Variants in PBX4 observed in about 807,000 individuals in gnomAD.
The protein encoded by PBX4 is pre-B-cell leukemia transcription factor 4.
PBX4 carries 26 observed loss-of-function variants against 35.1 expected under a neutral mutation model. The ratio of observed to expected loss-of-function variants is 0.74; its 90% confidence interval spans 0.54 to 1.03. The LOEUF (loss-of-function observed/expected upper bound fraction) is 1.03. PBX4 is among the 50% of genes least tolerant of loss of function. The probability of loss-of-function intolerance (pLI) is 0.00; values close to 1 mark genes in which losing one functional copy is unlikely to be tolerated. For missense variants in PBX4, 448 were observed against 504.3 expected (o/e 0.89, Z 1.07); for synonymous variants, 199 against 204.2 (o/e 0.97, Z 0.22).
chr19:19,583,485 C>T (rs1190829322), intron 2 of PBX4, among the ~76,000 whole-genome samples: 1 of 151,688 alleles, frequency 6.6e-6, no homozygotes, highest in East Asian at 2.0e-4. Flanking sequence ...TGGTGGCACA[C>T]ACCTGTAATC....
intron 2 of PBX4, among the ~76,000 whole-genome samples, chr19:19,576,998 C>T (rs150133527): frequency 0.014 from 2,073 of 152,118 alleles, 72 homozygotes; most frequent in South Asian, 0.076. Context: ...GAGGCTGAGG[C>T]GGGCGAATCA....
At chr19:19,613,413 A>C (rs898982197) in intron 1 of PBX4, among the ~76,000 whole-genome samples, 2 of 147,846 alleles carry the variant, frequency 1.4e-5, no homozygotes, top group Admixed American at 6.9e-5. Flanking sequence ...AGTTGCAGTG[A>C]GCCAAGAACA....
chr19:19,613,684 G>A lies in PBX4; in HGVS notation c.119+4827C>T, dbSNP rs2061674696. ...ACACACCCAAAGCTCTGCCTCTGCGGTGACATTCCTGGGTGTGTCAAAACC... is the reference window on the plus strand; with the variant it reads ...ACACACCCAAAGCTCTGCCTCTGCGATGACATTCCTGGGTGTGTCAAAACC... On this transcript the variant is annotated intron_variant, in intron 1 of 7. Transcript: ENST00000251203. 3.9e-5 allele frequency among the ~76,000 whole-genome samples: 6 copies of A among 152,120 alleles called. No individual in the cohort carries two copies. The South Asian group carries it at 1.0e-3, about 26-fold the overall frequency.
rs1022383575 is a variant in PBX4, at chr19:19,562,781, G to A, written c.1033-664C>T. On this transcript the variant is annotated intron_variant, in intron 7 of 7. Coordinates refer to ENST00000251203, the MANE Select transcript of PBX4 (RefSeq NM_025245.3). The surrounding 1 kb of genome is among the most constrained non-coding windows in gnomAD (Gnocchi z 4.8). ...CTGGGGTGGACACACAGCTGCTGGC[G>A]CGTAGTCAGGTCCCAGGGGTGCAAA... Among the ~76,000 whole-genome samples, 5 of 152,176 alleles carry A rather than the reference G, an allele frequency of 3.3e-5. No individual in the cohort carries two copies. The highest frequency in any genetic ancestry group is 6.5e-5 in the Admixed American group (1 of 15,286).
chr19:19,597,611 T>A (rs1210420510), intron 2 of PBX4, among the ~76,000 whole-genome samples: 1 of 152,178 alleles, frequency 6.6e-6, no homozygotes, highest in Non-Finnish European at 1.5e-5. Flanking sequence ...TTGTACAACA[T>A]ATACACACAC....
At chr19:19,604,625 G>C (rs938594757) in intron 1 of PBX4, among the ~76,000 whole-genome samples, 9 of 151,256 alleles carry the variant, frequency 6.0e-5, no homozygotes, top group Admixed American at 5.3e-4. Context: ...TTTTGAGATG[G>C]AGTCTCGCTC....
intron 1 of PBX4, among the ~76,000 whole-genome samples, chr19:19,603,495 G>C (rs941063369): frequency 6.6e-6 from 1 of 152,058 alleles, no homozygotes; most frequent in Admixed American, 6.6e-5. Flanking sequence ...TTTTAGTAGA[G>C]ATGGGGTTTT....
At chr19:19,593,593 A>T (rs961580142) in intron 2 of PBX4, among the ~76,000 whole-genome samples, 1 of 152,172 alleles carries the variant, frequency 6.6e-6, no homozygotes, top group Non-Finnish European at 1.5e-5. Context: ...TTCCTGATAT[A>T]AAAAGATACC....
rs1882743711 is a variant in PBX4 at position 19,579,310 on chromosome 19, C to T, written c.194-8477G>A. Among the ~76,000 whole-genome samples the T allele has an allele frequency of 2.0e-5, 3 of 151,456 alleles. No individual in the cohort carries two copies. The South Asian group carries it at 6.2e-4, about 31-fold the overall frequency. On this transcript the variant is annotated intron_variant, in intron 2 of 7. Transcript: ENST00000251203. Reference sequence around the variant, plus strand: ...GTTGCAGTGAGCCGGGATTAAGCCACTACAGCCTGGCAACAGAGTGAGACT... The same window carrying T: ...GTTGCAGTGAGCCGGGATTAAGCCATTACAGCCTGGCAACAGAGTGAGACT...
At chr19:19,602,737 GT>G (rs112277891) in intron 1 of PBX4, among the ~76,000 whole-genome samples, 2 of 150,446 alleles carry the variant, frequency 1.3e-5, no homozygotes, top group Non-Finnish European at 3.0e-5. Context: ...TATTAATTAT[GT>G]TTTTTTTTTA....
At chr19:19,602,694 CA>C (rs1467920456) in intron 1 of PBX4, among the ~76,000 whole-genome samples, 8 of 152,062 alleles carry the variant, frequency 5.3e-5, no homozygotes, top group African/African-American at 1.9e-4. Context: ...CTTGGCCCCT[CA>C]AAGTATTGGG....
rs528628394 is a variant in PBX4 at position 19,618,562 on chromosome 19, A to G, written c.68T>C (p.Leu23Pro). ...APRRLDTSDV[L>P]QQIMAITDQS... Reference sequence around the variant, plus strand: ...GTCGGTGATGGCCATGATCTGCTGCAGGACGTCGCTCGTGTCGAGGCGCCG... The same window carrying G: ...GTCGGTGATGGCCATGATCTGCTGCGGGACGTCGCTCGTGTCGAGGCGCCG... Residue 23 changes from leucine to proline, a missense_variant, in exon 1 of 8, where the codon CTG becomes CCG. By Grantham distance (98) the Leu-to-Pro change is moderately conservative (BLOSUM62 -3). Transcript: ENST00000251203. 3.1e-5 allele frequency: 43 copies of G among 1,400,450 alleles called. No individual in the cohort carries two copies. The South Asian group carries it at 4.6e-4, about 15-fold the overall frequency. 86.8% of individuals were successfully genotyped at this position (1,400,450 alleles called of 1,614,324 possible). A position where few individuals can be genotyped will look rare whatever the true frequency, so the allele number is the denominator to read the frequency against.
At chr19:19,593,567 C>T (rs967459993) in intron 2 of PBX4, among the ~76,000 whole-genome samples, 1 of 152,178 alleles carries the variant, frequency 6.6e-6, no homozygotes, top group African/African-American at 2.4e-5. Flanking sequence ...GGACCCACAG[C>T]ACTCACTGAC....
chr19:19,585,886 T>C (rs1161172837), intron 2 of PBX4, among the ~76,000 whole-genome samples: 1 of 152,208 alleles, frequency 6.6e-6, no homozygotes, highest in Non-Finnish European at 1.5e-5. Flanking sequence ...GACTCTCTTT[T>C]TGGACTCAGC....
At chr19:19,583,442 C>G (rs2061468346) in intron 2 of PBX4, among the ~76,000 whole-genome samples, 1 of 151,826 alleles carries the variant, frequency 6.6e-6, no homozygotes, top group Admixed American at 6.6e-5. Context: ...AAGACCCCAT[C>G]TCTACAAAAA....
rs139913293 is a variant in PBX4, at chr19:19,586,330, C to T, written c.193+12962G>A. On this transcript the variant is annotated intron_variant, in intron 2 of 7. Coordinates refer to ENST00000251203, the MANE Select transcript of PBX4 (RefSeq NM_025245.3). The stretch of plus-strand genomic sequence containing the variant: ...TGAGAGGCTGAGGTGGGAGGATCAC[C>T]TGAACCTGGGAAGTCAAGAATGCAT... Among the ~76,000 whole-genome samples the T allele has an allele frequency of 2.6e-5, 4 of 152,134 alleles. No individual in the cohort carries two copies. In the East Asian group the frequency reaches 7.7e-4, roughly 29 times the overall value.
At chr19:19,565,500 T>C (rs1033731280) in intron 5 of PBX4, among the ~76,000 whole-genome samples, 2 of 152,240 alleles carry the variant, frequency 1.3e-5, no homozygotes, top group African/African-American at 4.8e-5. Context: ...ACCCAGTAAC[T>C]GCGATCGAAT....
intron 2 of PBX4, among the ~76,000 whole-genome samples, chr19:19,585,478 TTA>T (rs1416435109): frequency 6.6e-6 from 1 of 152,072 alleles, no homozygotes; most frequent in Non-Finnish European, 1.5e-5. Context: ...AACTGAGGGA[TTA>T]TCACACTAGG....
intron 1 of PBX4, among the ~76,000 whole-genome samples, chr19:19,614,996 C>A (rs2061680952): frequency 6.6e-6 from 1 of 151,084 alleles, no homozygotes; most frequent in Non-Finnish European, 1.5e-5. Flanking sequence ...CCTGTCTCTA[C>A]TAAAAATACA....
Sources: allele counts gnomAD v4.1 joint callset (sites outside exome capture counted in the v4.1 genomes callset), GRCh38; gene constraint gnomAD v4.1.1; non-coding constraint Gnocchi (gnomAD v3.1); transcripts MANE v1.5; gene names NCBI Gene and HGNC (gene_info 2026-07-23, HGNC 2026-07-21).